The following RHOU variants were observed in gnomAD, a reference collection of about 807,000 sequenced individuals.
The protein encoded by RHOU is ras homolog family member U.
A neutral mutation model predicts 12.6 loss-of-function variants in RHOU; 8 were observed. The observed-to-expected ratio is 0.64, with a 90% confidence interval of 0.37 to 1.15. The LOEUF (loss-of-function observed/expected upper bound fraction) is 1.15, where lower values mean the gene tolerates loss of function less well. Ranked by LOEUF, RHOU falls within the 50% of genes most tolerant of loss-of-function variation. RHOU has a pLI of 0.01. For synonymous variants in RHOU, 161 were observed against 147.4 expected (o/e 1.09, Z -0.67); for missense variants, 258 against 347.0 (o/e 0.74, Z 2.04).
At chr1:228,736,067 G>A (rs1662603566) in intron 1 of RHOU, 63 bp downstream of exon 1, 1 of 1,512,210 alleles carries the variant, frequency 6.6e-7, no homozygotes, top group Non-Finnish European at 8.8e-7. Flanking sequence ...GGGAAGGAAG[G>A]TGGCGCGAGG....
Position 228,743,537 on chromosome 1 carries a change from G to A in RHOU, c.574G>A (p.Ala192Thr), listed in dbSNP as rs773613172. 5.6e-6 allele frequency: 9 copies of A among 1,614,160 alleles called. No homozygotes were observed. The highest frequency in any genetic ancestry group is 1.1e-5 in the South Asian group (1 of 91,082). Residue 192 changes from alanine (A) to threonine (T), a missense_variant, in exon 3 of 3, where the codon GCC (alanine) becomes ACC (threonine). Ala to Thr is a moderately conservative substitution (Grantham distance 58). Transcript: ENST00000366691. The surrounding 1 kb of genome is among the most constrained non-coding windows in gnomAD (Gnocchi z 5.1). ...GCCTGAAGAGGCGGCTAAGCTGTGC[G>A]CCGAGGAAATCAAAGCCGCCTCCTA... ...PVPEEAAKLCAEEIKAASYIE... is the reference protein window; with the variant it reads ...PVPEEAAKLCTEEIKAASYIE...
the RHOU span, among the ~76,000 whole-genome samples, chr1:228,712,068 A>T: frequency 5.2e-4 from 71 of 137,616 alleles, no homozygotes; most frequent in Admixed American, 1.0e-3. Flanking sequence ...AATGCTCACC[A>T]TCACTGGCCA....
the RHOU span, among the ~76,000 whole-genome samples, chr1:228,675,718 T>C: frequency 6.6e-6 from 1 of 152,254 alleles, no homozygotes; most frequent in African/African-American, 2.4e-5. Flanking sequence ...GGATTTCATA[T>C]ATGAAAACTT....
the RHOU span, among the ~76,000 whole-genome samples, chr1:228,685,826 CT>C: frequency 3.0e-4 from 45 of 152,286 alleles, no homozygotes; most frequent in Non-Finnish European, 5.1e-4. Flanking sequence ...ACACTCAGAA[CT>C]TTTTTGTCTA....
the RHOU span, among the ~76,000 whole-genome samples, chr1:228,677,528 A>G: frequency 6.6e-6 from 1 of 152,098 alleles, no homozygotes; most frequent in African/African-American, 2.4e-5. Flanking sequence ...TGAGTAAGTC[A>G]GGGCCTCAGC....
the RHOU span, among the ~76,000 whole-genome samples, chr1:228,659,835 G>A: frequency 5.3e-4 from 80 of 150,768 alleles, no homozygotes; most frequent in East Asian, 0.013. Flanking sequence ...TACAAAAAAC[G>A]TAGCCGGGTG....
chr1:228,697,015 T>A, the RHOU span, among the ~76,000 whole-genome samples: 1 of 152,226 alleles, frequency 6.6e-6, no homozygotes, highest in Admixed American at 6.5e-5. Flanking sequence ...ATTCCTGGTG[T>A]CAGTGCTCCC....
chr1:228,667,878 G>T, the RHOU span, among the ~76,000 whole-genome samples: 2 of 152,078 alleles, frequency 1.3e-5, no homozygotes, highest in Non-Finnish European at 2.9e-5. Context: ...TTTGGTCTTT[G>T]GTCCAGGTTC....
the RHOU span, chr1:228,650,749 G>T: frequency 2.2e-6 from 1 of 445,644 alleles, no homozygotes. Context: ...CTTATGATCA[G>T]GGTGGTCCAG....
chr1:228,726,530 TGGC>T, the RHOU span, among the ~76,000 whole-genome samples: 1 of 152,072 alleles, frequency 6.6e-6, no homozygotes, highest in Non-Finnish European at 1.5e-5. Context: ...CCAGGCGTGG[TGGC>T]ACGCGCCTGT....
chr1:228,716,281 T>C, the RHOU span, among the ~76,000 whole-genome samples: 13 of 152,292 alleles, frequency 8.5e-5, no homozygotes, highest in East Asian at 2.5e-3. Context: ...CCTTGCCCCC[T>C]TCCTGTGGAT....
At chr1:228,664,307 C>T in the RHOU span, among the ~76,000 whole-genome samples, 2 of 151,838 alleles carry the variant, frequency 1.3e-5, no homozygotes, top group African/African-American at 2.4e-5. Flanking sequence ...CCGCTGCGCT[C>T]GGCCTGGATT....
chr1:228,710,241 A>G, the RHOU span, among the ~76,000 whole-genome samples: 4 of 152,174 alleles, frequency 2.6e-5, no homozygotes, highest in Admixed American at 1.3e-4. Context: ...ACAAGGAGGA[A>G]CTGGTACCAT....
the RHOU span, among the ~76,000 whole-genome samples, chr1:228,702,370 C>T: frequency 6.6e-6 from 1 of 152,108 alleles, no homozygotes; most frequent in African/African-American, 2.4e-5. Context: ...GAATTCAGGA[C>T]AGAAGACAGC....
At chr1:228,724,708 T>C in the RHOU span, among the ~76,000 whole-genome samples, 4 of 152,222 alleles carry the variant, frequency 2.6e-5, no homozygotes, top group Non-Finnish European at 4.4e-5. Flanking sequence ...ATGATAGATC[T>C]CCAAAACTTA....
chr1:228,716,491 T>C, the RHOU span, among the ~76,000 whole-genome samples: 1 of 152,324 alleles, frequency 6.6e-6, no homozygotes, highest in Middle Eastern at 3.4e-3. Context: ...CTCAGGCAGC[T>C]CACCATCACC....
chr1:228,650,877 G>T, the RHOU span: 1 of 395,316 alleles, frequency 2.5e-6, no homozygotes, highest in Non-Finnish European at 4.9e-6. Context: ...TGGCTGTGAG[G>T]CCTGCAAGAC....
At chr1:228,693,474 T>A in the RHOU span, among the ~76,000 whole-genome samples, 1 of 149,066 alleles carries the variant, frequency 6.7e-6, no homozygotes, top group Non-Finnish European at 1.5e-5. Flanking sequence ...AGGTTAATAA[T>A]TTTTTTTTTT....
chr1:228,647,601 G>A, the RHOU span, among the ~76,000 whole-genome samples: 1 of 152,218 alleles, frequency 6.6e-6, no homozygotes, highest in African/African-American at 2.4e-5. Context: ...GGTTGCGACT[G>A]CGCCGGATGA....
Sources: allele counts gnomAD v4.1 joint callset (sites outside exome capture counted in the v4.1 genomes callset), GRCh38; gene constraint gnomAD v4.1.1; non-coding constraint Gnocchi (gnomAD v3.1); transcripts MANE v1.5; gene names NCBI Gene and HGNC (gene_info 2026-07-23, HGNC 2026-07-21).